TNRC6B: variants seen among roughly 807,000 people sequenced by gnomAD.
TNRC6B encodes the protein trinucleotide repeat containing adaptor 6B.
A neutral mutation model predicts 203.6 loss-of-function variants in TNRC6B; 52 were observed. The ratio of observed to expected loss-of-function variants is 0.26; its 90% CI spans 0.20 to 0.32. TNRC6B has a LOEUF of 0.32. Among genes scored for constraint, TNRC6B ranks in the 10% least tolerant of loss-of-function variants. The pLI is 1.00. For synonymous variants in TNRC6B, 838 were observed against 845.7 expected, an observed-to-expected ratio of 0.99 and a Z score of 0.16; for missense variants, 1,923 against 2,286.2, an observed-to-expected ratio of 0.84 and a Z score of 3.24.
At chr22:40,177,679 A>G (rs1342665039), upstream of TNRC6B, among the ~76,000 whole-genome samples, 1 of 152,232 alleles carries the variant, frequency 6.6e-6, no homozygotes, top group Non-Finnish European at 1.5e-5. Flanking sequence ...GCATATTTCT[A>G]TAAACCAATA....
chr22:40,090,946 C>T (rs2068145441), intron 1 of TNRC6B, among the ~76,000 whole-genome samples: 1 of 152,196 alleles, frequency 6.6e-6, no homozygotes, highest in African/African-American at 2.4e-5. Context: ...AGAAGACTCT[C>T]TTCATCCAAT....
intron 3 of TNRC6B, among the ~76,000 whole-genome samples, chr22:40,145,947 T>G (rs931166948): frequency 4.6e-5 from 7 of 152,002 alleles, no homozygotes; most frequent in Non-Finnish European, 8.8e-5. Context: ...GATGAAACTG[T>G]GGGGCTGGAA....
At chr22:40,301,891 C>T (rs903465141) in intron 15 of TNRC6B, among the ~76,000 whole-genome samples, 2 of 152,172 alleles carry the variant, frequency 1.3e-5, no homozygotes, top group South Asian at 4.1e-4. Context: ...TGCTCTCCTA[C>T]CGCCGGGAAT....
chr22:40,091,373 G>A (rs181149534), intron 1 of TNRC6B, among the ~76,000 whole-genome samples: 1 of 152,022 alleles, frequency 6.6e-6, no homozygotes, highest in Non-Finnish European at 1.5e-5. Context: ...AAGAATTACA[G>A]AGGACAGAGC....
At chr22:40,055,115 A>G (rs1192806534) in intron 1 of TNRC6B, among the ~76,000 whole-genome samples, 1 of 152,194 alleles carries the variant, frequency 6.6e-6, no homozygotes, top group Non-Finnish European at 1.5e-5. Flanking sequence ...GACATGCTGA[A>G]TGCTGTGCTA....
chr22:40,125,348 A>G (rs1601827466), intron 2 of TNRC6B, among the ~76,000 whole-genome samples: 1 of 152,172 alleles, frequency 6.6e-6, no homozygotes, highest in Non-Finnish European at 1.5e-5. Flanking sequence ...AACCCTGCCA[A>G]TTCCAATAGC....
chr22:40,207,266 G>A (rs1247544084), intron 1 of TNRC6B, among the ~76,000 whole-genome samples: 4 of 152,074 alleles, frequency 2.6e-5, no homozygotes, highest in South Asian at 4.1e-4. Context: ...AACATGGCTG[G>A]GCGCTGTGGC....
intron 1 of TNRC6B, among the ~76,000 whole-genome samples, chr22:40,184,982 C>G (rs1053177721): frequency 2.0e-5 from 3 of 152,014 alleles, no homozygotes; most frequent in African/African-American, 4.8e-5. Context: ...ACCAGTAGTT[C>G]CAAATTTACC....
chr22:40,220,475 G>A (rs898423389), intron 1 of TNRC6B, among the ~76,000 whole-genome samples: 3 of 152,154 alleles, frequency 2.0e-5, no homozygotes, highest in Non-Finnish European at 4.4e-5. Context: ...AGATTGGTGG[G>A]GAGGAGGGGG....
upstream of TNRC6B, among the ~76,000 whole-genome samples, chr22:40,173,311 G>C (rs546698337): frequency 2.7e-4 from 41 of 151,830 alleles, no homozygotes; most frequent in Non-Finnish European, 4.1e-4. Context: ...TGACCAGGAT[G>C]GTCTTGATCA....
At chr22:40,147,631 C>T (rs1056456221) in intron 3 of TNRC6B, among the ~76,000 whole-genome samples, 6 of 152,170 alleles carry the variant, frequency 3.9e-5, no homozygotes, top group East Asian at 1.9e-4. Flanking sequence ...TTTATAACAG[C>T]GTGAATTTAT....
chr22:40,148,677 C>T (rs1451410927), intron 3 of TNRC6B, among the ~76,000 whole-genome samples: 1 of 152,196 alleles, frequency 6.6e-6, no homozygotes, highest in African/African-American at 2.4e-5. Context: ...AATACGAACT[C>T]CCAGAACCTT....
chr22:40,305,054 C>G (rs1299406089), intron 15 of TNRC6B, among the ~76,000 whole-genome samples: 3 of 152,062 alleles, frequency 2.0e-5, no homozygotes, highest in Non-Finnish European at 4.4e-5. Context: ...AGTGTAAGGA[C>G]AAGTTAATTT....
chr22:40,111,850 C>G (rs1224081988), intron 1 of TNRC6B, among the ~76,000 whole-genome samples: 1 of 152,192 alleles, frequency 6.6e-6, no homozygotes, highest in Admixed American at 6.5e-5. Context: ...CACCTGTAAT[C>G]CCAGCACTTT....
chr22:40,129,720 G>A (rs1334089106), intron 3 of TNRC6B, among the ~76,000 whole-genome samples: 1 of 152,114 alleles, frequency 6.6e-6, no homozygotes, highest in Non-Finnish European at 1.5e-5. Flanking sequence ...GGGTGCAATT[G>A]TTTATAATTA....
In TNRC6B at chr22:40,103,551, G is replaced by A. The variant is rs531583406; in HGVS notation, c.-120-13504G>A. 3.9e-5 allele frequency among the ~76,000 whole-genome samples: 6 copies of A among 152,230 alleles called. No homozygotes were observed. The South Asian group carries it at 1.2e-3, about 32-fold the overall frequency. On this transcript the variant is annotated intron_variant, in intron 1 of 23. Transcript: ENST00000301923. ...TTTTCTACTGGATAGATTTACCACA[G>A]TTTGTTTATCTATTGATTACTTGAA...
At chr22:40,260,930 G>A (rs1601929016) in intron 3 of TNRC6B, among the ~76,000 whole-genome samples, 1 of 152,218 alleles carries the variant, frequency 6.6e-6, no homozygotes, top group Non-Finnish European at 1.5e-5. Context: ...TGAGAGTAGA[G>A]TAAAAGGAGA....
intron 1 of TNRC6B, among the ~76,000 whole-genome samples, chr22:40,104,738 C>A (rs539963254): frequency 6.6e-6 from 1 of 152,298 alleles, no homozygotes; most frequent in South Asian, 2.1e-4. Flanking sequence ...TATCATAGCT[C>A]ACACTTACCT....
At chr22:40,063,392 G>A (rs1171504960) in intron 1 of TNRC6B, among the ~76,000 whole-genome samples, 1 of 152,004 alleles carries the variant, frequency 6.6e-6, no homozygotes, top group East Asian at 1.9e-4. Flanking sequence ...AATTGTTTTG[G>A]CCCTTCTGGA....
Sources: allele counts gnomAD v4.1 joint callset (sites outside exome capture counted in the v4.1 genomes callset), GRCh38; gene constraint gnomAD v4.1.1; transcripts MANE v1.5; gene names NCBI Gene and HGNC (gene_info 2026-07-23, HGNC 2026-07-21).